Variants in DERL3 observed in about 807,000 individuals in gnomAD.
DERL3 encodes derlin 3, also known as derlin-3.
In DERL3, 20 loss-of-function variants were observed where a neutral mutation model predicts 23.8. The observed-to-expected ratio is 0.84, with a 90% CI of 0.59 to 1.22. The LOEUF (loss-of-function observed/expected upper bound fraction) is 1.22, where lower values mean the gene tolerates loss of function less well. Among genes scored for constraint, DERL3 ranks in the 50% most tolerant of loss-of-function variants. The pLI is 0.00. For synonymous variants in DERL3, 145 were observed against 132.5 expected (o/e 1.09, Z -0.65); for missense variants, 319 against 304.1 (o/e 1.05, Z -0.36).
chr22:23,836,548 C>A lies in DERL3; in HGVS notation c.*321G>T. 9.3e-7 allele frequency: 1 copy of A among 1,071,564 alleles called. No homozygotes were observed. Among genetic ancestry groups the A allele is most frequent in the Non-Finnish European group, 1.1e-6 (1 of 887,182 alleles). 66.4% of individuals were successfully genotyped at this position (1,071,564 alleles called of 1,614,324 possible). ...AGCCTGTCACCTGTGAGCTCAAAAG[C>A]TCTGCCTGGCAACCTGTGAGCTCAA... On this transcript the variant is annotated 3_prime_UTR_variant, in exon 7 of 7. Transcript: ENST00000318109.
chr22:23,838,994 TTC>T lies in DERL3; in HGVS notation c.-9_-8del. 1 of 1,565,034 alleles carries T rather than the reference TTC, an allele frequency of 6.4e-7. No homozygotes were observed. The highest frequency in any genetic ancestry group is 8.7e-7 in the Non-Finnish European group (1 of 1,155,094). On this transcript the variant is annotated 5_prime_UTR_variant, in exon 1 of 7. Transcript: ENST00000318109. Reference sequence around the variant, plus strand: ...CTAGTCCCTGCCACGCCATTGAACCTTCTCAAGCACGCGTGGCCCAGCCAGCA... The same window carrying T: ...CTAGTCCCTGCCACGCCATTGAACCTTCAAGCACGCGTGGCCCAGCCAGCA...
rs1300421695 is a variant in DERL3 at position 23,836,955 on chromosome 22, G to T, written c.622C>A (p.Leu208Ile). The T allele has an allele frequency of 6.3e-7, 1 of 1,596,452 alleles. No individual in the cohort carries two copies. Among genetic ancestry groups the T allele is most frequent in the Admixed American group, 1.8e-5 (1 of 56,678 alleles). Residue 208 changes from leucine to isoleucine, a missense_variant, in exon 7 of 7, where the codon CTC becomes ATC. Coordinates refer to ENST00000318109, the MANE Select transcript of DERL3 (RefSeq NM_001002862.3). ...GGGTCTTCTGCAGGGGCATCCAGGA[G>T]CAGCTTTCTGTGGGGAGGGGCCCGT... ...LLQTPGFLKL[L>I]LDAPAEDPNY...
Position 23,835,470 on chromosome 22 carries a change from G to C in DERL3, c.*1399C>G, listed in dbSNP as rs1294321880. On this transcript the variant is annotated 3_prime_UTR_variant, in exon 7 of 7. Transcript: ENST00000318109. ...CCATGTGGGGCAGAGGCAGAGCTCT[G>C]ATTAGGGATTGGGGTTCTTGGTCGC... 1 of 985,812 alleles carries C rather than the reference G, an allele frequency of 1.0e-6. No individual in the cohort carries two copies. The highest frequency in any genetic ancestry group is 1.2e-6 in the Non-Finnish European group (1 of 830,296). 61.1% of individuals were successfully genotyped at this position (985,812 alleles called of 1,614,324 possible).
chr22:23,834,893 C>T lies in DERL3; in HGVS notation c.*1976G>A, dbSNP rs1329468544. On this transcript the variant is annotated 3_prime_UTR_variant, in exon 7 of 7. Coordinates refer to ENST00000318109, the MANE Select transcript of DERL3 (RefSeq NM_001002862.3). ...CCTGGCTCTGCTGTGTCCAGATGGTCAGGCTACTGCCAGCTGGGGCCTTGC... is the reference window on the plus strand; with the variant it reads ...CCTGGCTCTGCTGTGTCCAGATGGTTAGGCTACTGCCAGCTGGGGCCTTGC... The T allele has an allele frequency of 6.2e-7, 1 of 1,611,998 alleles. No individual in the cohort carries two copies. The highest frequency in any genetic ancestry group is 8.5e-7 in the Non-Finnish European group (1 of 1,179,710).
Position 23,834,581 on chromosome 22 carries a change from G to A in DERL3, c.*2288C>T. 1.4e-6 allele frequency: 1 copy of A among 703,028 alleles called. No individual in the cohort carries two copies. Among genetic ancestry groups the A allele is most frequent in the South Asian group, 1.5e-5 (1 of 66,622 alleles). 43.5% of individuals were successfully genotyped at this position (703,028 alleles called of 1,614,324 possible). A position where few individuals can be genotyped will look rare whatever the true frequency, so the allele number is the denominator to read the frequency against. ...TAATGAGAGCCAGGAGTGGGGCCGG[G>A]GCCTGGGGGGACGAAGGTGGTATGT... On this transcript the variant is annotated 3_prime_UTR_variant, in exon 7 of 7. Coordinates refer to ENST00000318109, the MANE Select transcript of DERL3 (RefSeq NM_001002862.3).
chr22:23,834,742 A>G lies in DERL3; in HGVS notation c.*2127T>C. On this transcript the variant is annotated 3_prime_UTR_variant, in exon 7 of 7. Transcript: ENST00000318109. ...GCCTGTTCTCCTTCCAGACCCAGAG[A>G]GCTGAGAAGAGTAGCTGTGAGGCTC... 1 of 1,485,864 alleles carries G rather than the reference A, an allele frequency of 6.7e-7. No homozygotes were observed. 92.0% of individuals were successfully genotyped at this position (1,485,864 alleles called of 1,614,324 possible).
At position 23,838,375 on chromosome 22, in the gene DERL3, GA is replaced by G; in HGVS notation, c.303del (p.Leu102SerfsTer7). The G allele has an allele frequency of 6.2e-7, 1 of 1,609,804 alleles. No individual in the cohort carries two copies. Among genetic ancestry groups the G allele is most frequent in the African/African-American group, 1.3e-5 (1 of 74,910 alleles). ...ACGGTCATAAGGACGCCCCCGAAGAGAAACATGAAGACGAAGTCGGCCGTGC... is the reference window on the plus strand; with the variant it reads ...ACGGTCATAAGGACGCCCCCGAAGAGAACATGAAGACGAAGTCGGCCGTGC... ...RGRTADFVFM[F>X]LFGGVLMTLL... On this transcript the variant is annotated frameshift_variant, in exon 4 of 7. Coordinates refer to ENST00000318109, the MANE Select transcript of DERL3 (RefSeq NM_001002862.3). LOFTEE classifies it high-confidence loss of function.
chr22:23,835,452 G>T lies in DERL3; in HGVS notation c.*1417C>A. On this transcript the variant is annotated 3_prime_UTR_variant, in exon 7 of 7. Coordinates refer to ENST00000318109, the MANE Select transcript of DERL3 (RefSeq NM_001002862.3). ...TGGAAGTGGGGTAGGGCCCCATGTG[G>T]GGCAGAGGCAGAGCTCTGATTAGGG... The T allele has an allele frequency of 1.0e-6, 1 of 986,082 alleles. No individual in the cohort carries two copies. Among genetic ancestry groups the T allele is most frequent in the Non-Finnish European group, 1.2e-6 (1 of 830,420 alleles). 61.1% of individuals were successfully genotyped at this position (986,082 alleles called of 1,614,324 possible).
intron 5 of DERL3, 180 bp downstream of exon 5, chr22:23,837,479 T>G: frequency 1.4e-6 from 1 of 696,764 alleles, no homozygotes; most frequent in Non-Finnish European, 2.4e-6. Flanking sequence ...ATGCAAATTA[T>G]GTGGGCCGGC....
Position 23,838,610 on chromosome 22 carries a change from A to G in DERL3, c.187T>C (p.Phe63Leu), listed in dbSNP as rs777744366. 4 of 1,478,764 alleles carry G rather than the reference A, an allele frequency of 2.7e-6. No individual in the cohort carries two copies. Among genetic ancestry groups the G allele is most frequent in the South Asian group, 2.3e-5 (2 of 85,590 alleles). 91.6% of individuals were successfully genotyped at this position (1,478,764 alleles called of 1,614,324 possible). ...AAGCTGAATCCCAGGGGCCCGAAGA[A>G]GAGGAAGTTGGTGACGAGCCTCCAG... The part of the protein sequence containing the change: ...QVWRLVTNFL[F>L]FGPLGFSFFF... Residue 63 changes from phenylalanine to leucine, a missense_variant, in exon 3 of 7, where the codon TTC becomes CTC. Phe to Leu is a conservative substitution (Grantham distance 22). Transcript: ENST00000318109.
intron 4 of DERL3, 83 bp downstream of exon 4, chr22:23,838,269 A>G: frequency 3.2e-6 from 5 of 1,552,500 alleles, no homozygotes; most frequent in Non-Finnish European, 4.4e-6. Flanking sequence ...CCTCTCTGGC[A>G]TGGCTGTGTT....
chr22:23,838,058 G>T, intron 4 of DERL3: 1 of 1,443,598 alleles, frequency 6.9e-7, no homozygotes, highest in Non-Finnish European at 9.2e-7. Context: ...TCATCCCAGG[G>T]CCCAACCACT....
At position 23,838,415 on chromosome 22, in the gene DERL3, G is replaced by A. The variant is rs1162676243; in HGVS notation, c.264C>T (p.Gly88=). 16 of 1,609,266 alleles carry A rather than the reference G, an allele frequency of 9.9e-6. No individual in the cohort carries two copies. Among genetic ancestry groups the A allele is most frequent in the Admixed American group, 1.7e-5 (1 of 59,498 alleles). The change falls in exon 4 of 7, where the codon GGC becomes GGT. Residue 88 remains glycine, a synonymous_variant. Transcript: ENST00000318109. ...VFRYCRMLEE[G]SFRGRTADFV... ...AGTCGGCCGTGCGGCCGCGGAAGGA[G>A]CCCTCTTCCAGCATGCGGCAGTAGC... is the stretch of plus-strand genomic sequence containing the variant.
Position 23,835,086 on chromosome 22 carries a change from C to A in DERL3, c.*1783G>T. On this transcript the variant is annotated 3_prime_UTR_variant, in exon 7 of 7. Coordinates refer to ENST00000318109, the MANE Select transcript of DERL3 (RefSeq NM_001002862.3). ...GTGGCCTGGGCCAGCTCCTGCCTTACAAGCCAGCTGTGAGGAATATGGGAA... is the reference window on the plus strand; with the variant it reads ...GTGGCCTGGGCCAGCTCCTGCCTTAAAAGCCAGCTGTGAGGAATATGGGAA... The A allele has an allele frequency of 7.2e-7, 1 of 1,397,700 alleles. No individual in the cohort carries two copies. The highest frequency in any genetic ancestry group is 9.3e-7 in the Non-Finnish European group (1 of 1,079,046). 86.6% of individuals were successfully genotyped at this position (1,397,700 alleles called of 1,614,324 possible).
chr22:23,837,250 C>T (rs1340071982), intron 5 of DERL3, 96 bp from the exon 6 acceptor site: 6 of 1,451,432 alleles, frequency 4.1e-6, no homozygotes, highest in Non-Finnish European at 5.6e-6. Context: ...GCCTGGTGGC[C>T]CTGCAGGCCC....
Position 23,834,937 on chromosome 22 carries a change from G to A in DERL3, c.*1932C>T, listed in dbSNP as rs376282336. ...GCCTTGCTGCTCTGAAGTCCCCTGC[G>A]GAGGGCCCAGTCCTGTGTGGGCACT... On this transcript the variant is annotated 3_prime_UTR_variant, in exon 7 of 7. Transcript: ENST00000318109. 1.3e-4 allele frequency: 211 copies of A among 1,604,928 alleles called. 1 individual carries two copies. The highest frequency in any genetic ancestry group is 2.4e-5 in the Non-Finnish European group (28 of 1,177,438).
Position 23,834,732 on chromosome 22 carries a change from A to G in DERL3, c.*2137T>C, listed in dbSNP as rs2030897027. 4.1e-6 allele frequency: 6 copies of G among 1,466,926 alleles called. No individual in the cohort carries two copies. The highest frequency in any genetic ancestry group is 2.3e-5 in the Admixed American group (1 of 44,280). The allele number at this position is 1,466,926 out of a possible 1,614,324, so 90.9% of individuals were successfully genotyped here. On this transcript the variant is annotated 3_prime_UTR_variant, in exon 7 of 7. Coordinates refer to ENST00000318109, the MANE Select transcript of DERL3 (RefSeq NM_001002862.3). ...GCTCCCCTCAGCCTGTTCTCCTTCC[A>G]GACCCAGAGAGCTGAGAAGAGTAGC...
chr22:23,836,887 C>A lies in DERL3; in HGVS notation c.690G>T (p.Leu230=). The change falls in exon 7 of 7, where the codon CTG becomes CTT. Residue 230 remains leucine (L), a synonymous_variant. Coordinates refer to ENST00000318109, the MANE Select transcript of DERL3 (RefSeq NM_001002862.3). The stretch of plus-strand genomic sequence containing the variant: ...GTGGGGGTCACTGCTGCGGGGGTGG[C>A]AGATGGGGTCCTGGCTGTTCCTCAG... ...PLPEEQPGPH[L]PPPQQ is the part of the protein sequence containing the mutation. 1 of 1,478,360 alleles carries A rather than the reference C, an allele frequency of 6.8e-7. No homozygotes were observed. Among genetic ancestry groups the A allele is most frequent in the Non-Finnish European group, 9.0e-7 (1 of 1,113,112 alleles). 91.6% of individuals were successfully genotyped at this position (1,478,360 alleles called of 1,614,324 possible).
Position 23,835,043 on chromosome 22 carries a change from C to T in DERL3, c.*1826G>A, listed in dbSNP as rs530627965. 4.3e-6 allele frequency: 6 copies of T among 1,407,148 alleles called. No homozygotes were observed. The African/African-American group carries it at 7.3e-5, about 17-fold the overall frequency. 87.2% of individuals were successfully genotyped at this position (1,407,148 alleles called of 1,614,324 possible). ...ATAGCCAGGTCAGCTGGGGCCCTTT[C>T]CCACCCCAGCAGGTGCTGTGGCCTG... On this transcript the variant is annotated 3_prime_UTR_variant, in exon 7 of 7. Transcript: ENST00000318109.
Sources: gnomAD v4.1 joint callset for allele counts on GRCh38, gnomAD v4.1.1 for gene constraint, MANE v1.5 for transcripts, NCBI Gene and HGNC (gene_info 2026-07-23, HGNC 2026-07-21) for gene names.